RSF1: variants seen among roughly 807,000 people sequenced by gnomAD.
RSF1 encodes HBV pX-associated protein 8.
RSF1 carries 13 observed loss-of-function variants against 145.2 expected under a neutral mutation model. The observed-to-expected ratio is 0.09, with a 90% CI of 0.06 to 0.14. The LOEUF (loss-of-function observed/expected upper bound fraction) is 0.14. Ranked by LOEUF, RSF1 falls within the 10% of genes least tolerant of loss-of-function variation. RSF1 has a pLI of 1.00. For synonymous variants in RSF1, 577 were observed against 592.6 expected (o/e 0.97, Z 0.38); for missense variants, 1,517 against 1,718.2 (o/e 0.88, Z 2.07).
chr11:77,814,094 G>C lies in RSF1; in HGVS notation c.187+6434C>G, dbSNP rs1198424370. On this transcript the variant is annotated intron_variant, in intron 1 of 15. Coordinates refer to ENST00000308488, the MANE Select transcript of RSF1 (RefSeq NM_016578.4). ...GCATGCCTGTAATCCCAGTTACTTG[G>C]GAGCGTGAGGCAGGAGAATCACTTG... Among the ~76,000 whole-genome samples, 4 of 151,966 alleles carry C rather than the reference G, an allele frequency of 2.6e-5. No individual in the cohort carries two copies. In the East Asian group the frequency reaches 7.8e-4, roughly 30 times the overall value.
At position 77,764,630 on chromosome 11, in the gene RSF1, T is replaced by G. The variant is rs773902422; in HGVS notation, c.247A>C (p.Thr83Pro). The change falls in exon 2 of 16, where the codon ACT becomes CCT. Residue 83 changes from threonine (T) to proline (P), a missense_variant. Thr to Pro is a conservative substitution (Grantham distance 38). Around this residue, in one of 12 missense-constraint regions of RSF1, gnomAD observed 94 missense variants for 143.6 expected, o/e 0.65. Transcript: ENST00000308488. Reference protein sequence around the residue: ...KLMRKIGKSVTADRWEKYLIK... With the variant: ...KLMRKIGKSVPADRWEKYLIK... ...AAATATTTTTCCCATCTGTCTGCAG[T>G]AACAGATTTGCCAATTTTCCTCATC... 1 of 1,608,264 alleles carries G rather than the reference T, an allele frequency of 6.2e-7. No homozygotes were observed.
At chr11:77,829,961 A>G in the RSF1 span, 3 of 152,152 alleles carry the variant, frequency 2.0e-5, no homozygotes, top group Admixed American at 6.6e-5. Context: ...GTGAGACCCC[A>G]TCTCTACAAA....
chr11:77,853,910 C>T, the RSF1 span, among the ~76,000 whole-genome samples: 1 of 151,842 alleles, frequency 6.6e-6, no homozygotes, highest in African/African-American at 2.4e-5. Context: ...CACTGTACTC[C>T]AGCCTGAGTG....
intron 1 of RSF1, among the ~76,000 whole-genome samples, chr11:77,814,325 T>C (rs1462443106): frequency 6.6e-6 from 1 of 151,916 alleles, no homozygotes; most frequent in East Asian, 1.9e-4. Flanking sequence ...CAGCAAGACC[T>C]CATTCTCTAC....
chr11:77,820,640 T>C lies in RSF1; in HGVS notation c.75A>G (p.Val25=), dbSNP rs1948860720. The C allele has an allele frequency of 1.3e-6, 2 of 1,564,022 alleles. No homozygotes were observed. Among genetic ancestry groups the C allele is most frequent in the Non-Finnish European group, 1.7e-6 (2 of 1,155,790 alleles). Residue 25 remains valine (V), a synonymous_variant, in exon 1 of 16, where the codon GTA becomes GTG. Coordinates refer to ENST00000308488, the MANE Select transcript of RSF1 (RefSeq NM_016578.4). Reference sequence around the variant, plus strand: ...CGTAGCGCTCCAAGAAGGAGCAGACTACGGCGAAGTTGGGGCACGAACCCG... The same window carrying C: ...CGTAGCGCTCCAAGAAGGAGCAGACCACGGCGAAGTTGGGGCACGAACCCG... ...GCPGSCPNFA[V]VCSFLERYGP...
At chr11:77,848,649 C>T in the RSF1 span, among the ~76,000 whole-genome samples, 3 of 152,106 alleles carry the variant, frequency 2.0e-5, no homozygotes, top group Admixed American at 6.6e-5. Flanking sequence ...TGTGAGCCAC[C>T]GTGCCTGGCC....
chr11:77,803,907 C>T (rs983857166), intron 1 of RSF1, among the ~76,000 whole-genome samples: 2 of 152,128 alleles, frequency 1.3e-5, no homozygotes, highest in Admixed American at 6.6e-5. Flanking sequence ...TAGTGAGACC[C>T]CATCTCTAGA....
intron 11 of RSF1, among the ~76,000 whole-genome samples, chr11:77,680,139 C>G (rs1406688436): frequency 1.3e-5 from 2 of 152,110 alleles, no homozygotes; most frequent in African/African-American, 4.8e-5. Flanking sequence ...AATGGATTAA[C>G]AACAGCATCA....
At chr11:77,852,943 G>A in the RSF1 span, among the ~76,000 whole-genome samples, 1 of 151,966 alleles carries the variant, frequency 6.6e-6, no homozygotes, top group Non-Finnish European at 1.5e-5. Flanking sequence ...TTAGTCCTAA[G>A]GGATGGGTAC....
intron 4 of RSF1, among the ~76,000 whole-genome samples, chr11:77,731,809 C>T (rs974506446): frequency 6.6e-6 from 1 of 152,234 alleles, no homozygotes; most frequent in Non-Finnish European, 1.5e-5. Context: ...GGAACCTCTG[C>T]CTAGATTTCA....
chr11:77,773,437 G>C (rs761273710), intron 1 of RSF1, among the ~76,000 whole-genome samples: 3 of 152,042 alleles, frequency 2.0e-5, no homozygotes, highest in Admixed American at 6.6e-5. Flanking sequence ...ACAAAAAGCA[G>C]AGTCTGCTAT....
chr11:77,697,133 C>T (rs1960295621), intron 7 of RSF1, among the ~76,000 whole-genome samples: 1 of 152,018 alleles, frequency 6.6e-6, no homozygotes, highest in Non-Finnish European at 1.5e-5. Flanking sequence ...TAAGTAGTAT[C>T]CTGATAAGTA....
chr11:77,839,835 G>A, the RSF1 span, among the ~76,000 whole-genome samples: 2 of 152,120 alleles, frequency 1.3e-5, no homozygotes, highest in South Asian at 4.1e-4. Flanking sequence ...GTCAGGGGGA[G>A]GGAGAGCATC....
the RSF1 span, among the ~76,000 whole-genome samples, chr11:77,848,084 C>A: frequency 6.6e-6 from 1 of 152,180 alleles, no homozygotes; most frequent in Non-Finnish European, 1.5e-5. Context: ...CTAATCTCAT[C>A]CATAGACATT....
At chr11:77,737,372 C>T (rs896448012) in intron 4 of RSF1, among the ~76,000 whole-genome samples, 2 of 151,268 alleles carry the variant, frequency 1.3e-5, no homozygotes, top group East Asian at 2.0e-4. Context: ...GGCTTGAACC[C>T]GGGAGGCAGA....
chr11:77,747,014 T>C (rs1299080106), intron 3 of RSF1, 22 bp downstream of exon 3: 1 of 1,437,902 alleles, frequency 7.0e-7, no homozygotes, highest in Non-Finnish European at 9.6e-7. Flanking sequence ...AAAATAACTG[T>C]AACAAATAAT....
the RSF1 span, among the ~76,000 whole-genome samples, chr11:77,836,360 G>A: frequency 1.3e-5 from 2 of 151,956 alleles, no homozygotes; most frequent in Non-Finnish European, 2.9e-5. Flanking sequence ...AATAGGATGG[G>A]TGAATTTATA....
intron 3 of RSF1, among the ~76,000 whole-genome samples, chr11:77,741,646 T>C (rs1947940379): frequency 6.6e-6 from 1 of 152,190 alleles, no homozygotes; most frequent in Non-Finnish European, 1.5e-5. Flanking sequence ...GTGTATAGTG[T>C]GGAATGGCTA....
chr11:77,865,797 G>A, the RSF1 span, among the ~76,000 whole-genome samples: 7 of 152,178 alleles, frequency 4.6e-5, no homozygotes, highest in Admixed American at 3.3e-4. Flanking sequence ...CCACTTGTAT[G>A]AAATGTTTCC....
Sources: gnomAD v4.1 joint callset for allele counts (sites outside exome capture counted in the v4.1 genomes callset) on GRCh38, gnomAD v4.1.1 for gene constraint, gnomAD v4.1.1 regional missense constraint, MANE v1.5 for transcripts, NCBI Gene and HGNC (gene_info 2026-07-23, HGNC 2026-07-21) for gene names.